Variants in GMDS observed in about 807,000 individuals in gnomAD.
GMDS encodes the protein GDP-mannose 4,6-dehydratase, also known as GDP-mannose 4,6 dehydratase.
In GMDS, 20 loss-of-function variants were observed where a neutral mutation model predicts 49.9. The ratio of observed to expected loss-of-function variants is 0.40; its 90% confidence interval spans 0.28 to 0.58. GMDS has a LOEUF of 0.58. GMDS is among the 20% of genes least tolerant of loss of function. The probability of loss-of-function intolerance (pLI) is 0.42; values close to 1 mark genes in which losing one functional copy is unlikely to be tolerated. For missense variants in GMDS, 362 were observed against 481.4 expected (o/e 0.75, Z 2.32); for synonymous variants, 177 against 178.6 (o/e 0.99, Z 0.07).
chr6:1,644,001 G>T lies in GMDS; in HGVS notation c.988-19461C>A, dbSNP rs72838813. Among the ~76,000 whole-genome samples, 316 of 152,046 alleles carry T rather than the reference G, an allele frequency of 2.1e-3. 1 individual carries two copies. The highest frequency in any genetic ancestry group is 6.8e-3 in the Middle Eastern group (2 of 294). On this transcript the variant is annotated intron_variant, in intron 9 of 10. Coordinates refer to ENST00000380815, the MANE Select transcript of GMDS (RefSeq NM_001500.4). ...TCCCAGGGCGGACGGCCCTTACCCA[G>T]CCCCCGTTGTCCCCAGACACCTCCC...
chr6:1,963,125 T>G (rs991216294), intron 4 of GMDS, among the ~76,000 whole-genome samples: 1 of 151,898 alleles, frequency 6.6e-6, no homozygotes, highest in Non-Finnish European at 1.5e-5. Context: ...TCCACCCACC[T>G]CAGCCTCCCA....
chr6:1,990,618 A>C (rs1765873723), intron 4 of GMDS, among the ~76,000 whole-genome samples: 1 of 152,102 alleles, frequency 6.6e-6, no homozygotes, highest in African/African-American at 2.4e-5. Context: ...CTTGTCACCT[A>C]GGCTCCAGTG....
At chr6:1,992,360 A>G (rs547843987) in intron 4 of GMDS, among the ~76,000 whole-genome samples, 1 of 152,110 alleles carries the variant, frequency 6.6e-6, no homozygotes, top group East Asian at 1.9e-4. Flanking sequence ...AAGGCTGGTG[A>G]TCATCCACTC....
At chr6:1,897,304 T>C (rs114286547) in intron 7 of GMDS, among the ~76,000 whole-genome samples, 344 of 152,320 alleles carry the variant, frequency 2.3e-3, no homozygotes, top group African/African-American at 7.9e-3. Flanking sequence ...GTCCCTACCC[T>C]AATGGTCATT....
At chr6:2,168,426 G>A (rs1458163979) in intron 1 of GMDS, among the ~76,000 whole-genome samples, 1 of 152,172 alleles carries the variant, frequency 6.6e-6, no homozygotes, top group Non-Finnish European at 1.5e-5. Context: ...AACAAAATGT[G>A]GGCCTCAGAA....
In GMDS at chr6:1,740,616, TA is replaced by T. The variant is rs577679638; in HGVS notation, c.890+1851del. ...ACATAAATTTTATATTTGAAAAGTATAAAAAAACCCTCAATTCCAAACATAA... is the reference window on the plus strand; with the variant it reads ...ACATAAATTTTATATTTGAAAAGTATAAAAAACCCTCAATTCCAAACATAA... On this transcript the variant is annotated intron_variant, in intron 8 of 10. Transcript: ENST00000380815. Among the ~76,000 whole-genome samples, 4 of 148,982 alleles carry T rather than the reference TA, an allele frequency of 2.7e-5. No individual in the cohort carries two copies. In the South Asian group the frequency reaches 6.3e-4, roughly 24 times the overall value.
At chr6:1,642,045 G>A (rs1335375729) in intron 9 of GMDS, among the ~76,000 whole-genome samples, 2 of 151,788 alleles carry the variant, frequency 1.3e-5, no homozygotes, top group Non-Finnish European at 2.9e-5. Context: ...ATCGCCCTGC[G>A]TAGCACTCTC....
In GMDS at chr6:1,675,852, CA is replaced by C. The variant is rs70989197; in HGVS notation, c.987+50563del. Among the ~76,000 whole-genome samples the C allele has an allele frequency of 5.3e-3, 676 of 127,794 alleles. 1 individual carries two copies. The highest frequency in any genetic ancestry group is 0.013 in the African/African-American group (442 of 33,388). The allele number at this position is 127,794 out of a possible 152,430, so 83.8% of individuals were successfully genotyped here. A position where few individuals can be genotyped will look rare whatever the true frequency, so the allele number is the denominator to read the frequency against. On this transcript the variant is annotated intron_variant, in intron 9 of 10. Transcript: ENST00000380815. ...TGGGCCACACAGTGAGACTCTGTCT[CA>C]AAAAAAAAAAAAATGATAAAGGGGA...
chr6:1,772,319 T>G lies in GMDS; in HGVS notation c.772-29733A>C, dbSNP rs35032737. Among the ~76,000 whole-genome samples, 803 of 152,302 alleles carry G rather than the reference T, an allele frequency of 5.3e-3. 3 individuals carry two copies. Among genetic ancestry groups the G allele is most frequent in the Non-Finnish European group, 8.7e-3 (594 of 68,018 alleles). On this transcript the variant is annotated intron_variant, in intron 7 of 10. Coordinates refer to ENST00000380815, the MANE Select transcript of GMDS (RefSeq NM_001500.4). ...TTATAATTGGAAAGTGCTTGTAGTA[T>G]GTGTGGAGAAATTCTGATGCACATA...
At chr6:1,813,237 A>AAG (rs1281224004) in intron 7 of GMDS, among the ~76,000 whole-genome samples, 2 of 151,322 alleles carry the variant, frequency 1.3e-5, no homozygotes, top group African/African-American at 4.8e-5. Flanking sequence ...AAAAAAAAAA[A>AAG]AAAAAAAAAA....
chr6:1,909,629 G>A (rs1760947725), intron 7 of GMDS, among the ~76,000 whole-genome samples: 1 of 152,166 alleles, frequency 6.6e-6, no homozygotes. Context: ...CGTGTGTGAT[G>A]CTGGCTACAG....
chr6:1,624,174 C>T lies in GMDS; in HGVS notation c.1114G>A (p.Ala372Thr), dbSNP rs764560852. 33 of 1,609,308 alleles carry T rather than the reference C, an allele frequency of 2.1e-5. No individual in the cohort carries two copies. Among genetic ancestry groups the T allele is most frequent in the Non-Finnish European group, 2.7e-5 (32 of 1,179,598 alleles). ...GCCGGGCTCCGAGGCGCTGCTCAGGCATTGGGGTTTGTCCTCATGAGCTCC... is the reference window on the plus strand; with the variant it reads ...GCCGGGCTCCGAGGCGCTGCTCAGGTATTGGGGTTTGTCCTCATGAGCTCC... ...DVELMRTNPN[A>T] The change falls in exon 11 of 11, where the codon GCC becomes ACC. Residue 372 changes from alanine to threonine, a missense_variant. Coordinates refer to ENST00000380815, the MANE Select transcript of GMDS (RefSeq NM_001500.4).
intron 2 of GMDS, among the ~76,000 whole-genome samples, chr6:2,122,681 C>A (rs569221259): frequency 1.3e-4 from 20 of 152,194 alleles, no homozygotes; most frequent in Non-Finnish European, 2.4e-4. Context: ...AAATTGAGGA[C>A]AGCAGCCTAT....
chr6:1,874,354 T>C (rs1485016727), intron 7 of GMDS, among the ~76,000 whole-genome samples: 1 of 152,144 alleles, frequency 6.6e-6, no homozygotes, highest in Non-Finnish European at 1.5e-5. Context: ...TACTCCTTAG[T>C]AAAAAGAGAG....
chr6:2,134,112 G>C (rs1775875164), intron 1 of GMDS, among the ~76,000 whole-genome samples: 1 of 152,206 alleles, frequency 6.6e-6, no homozygotes, highest in Non-Finnish European at 1.5e-5. Context: ...TTGTGCAGCT[G>C]TCTTCCAGTG....
At chr6:1,779,898 G>A (rs1300337047) in intron 7 of GMDS, among the ~76,000 whole-genome samples, 1 of 152,222 alleles carries the variant, frequency 6.6e-6, no homozygotes, top group East Asian at 1.9e-4. Context: ...GACACAGCCA[G>A]GCTGGTACCA....
At chr6:2,228,758 T>G (rs770762530) in intron 1 of GMDS, among the ~76,000 whole-genome samples, 12 of 152,236 alleles carry the variant, frequency 7.9e-5, no homozygotes, top group Non-Finnish European at 1.2e-4. Context: ...GCTTTCTCAG[T>G]ACAACTGTGT....
intron 8 of GMDS, among the ~76,000 whole-genome samples, chr6:1,738,031 CCACA>C (rs76629259): frequency 1.5e-4 from 22 of 145,194 alleles, no homozygotes; most frequent in Admixed American, 4.7e-4. Flanking sequence ...CATACACACA[CCACA>C]CACACACACC....
chr6:2,131,240 T>C (rs1237857887), intron 1 of GMDS, among the ~76,000 whole-genome samples: 2 of 152,196 alleles, frequency 1.3e-5, no homozygotes, highest in Non-Finnish European at 2.9e-5. Flanking sequence ...TTCAACATAC[T>C]AAAATAATTT....
Sources: allele counts gnomAD v4.1 joint callset (sites outside exome capture counted in the v4.1 genomes callset), GRCh38; gene constraint gnomAD v4.1.1; transcripts MANE v1.5; gene names NCBI Gene and HGNC (gene_info 2026-07-23, HGNC 2026-07-21).